The following ELOVL6 variants were observed in gnomAD, a reference collection of about 807,000 sequenced individuals.
ELOVL6 encodes the protein very long chain fatty acid elongase 6.
A neutral mutation model predicts 31.7 loss-of-function variants in ELOVL6; 8 were observed. That is an observed-to-expected ratio of 0.25 (90% CI 0.15 to 0.45). The LOEUF is 0.45. Ranked by LOEUF, ELOVL6 falls within the 20% of genes least tolerant of loss-of-function variation. The pLI is 1.00. For synonymous variants in ELOVL6, 101 were observed against 117.7 expected (o/e 0.86, Z 0.92); for missense variants, 126 against 326.4 (o/e 0.39, Z 4.73).
chr4:110,121,391 A>G (rs1221640977), intron 1 of ELOVL6, among the ~76,000 whole-genome samples: 1 of 152,252 alleles, frequency 6.6e-6, no homozygotes, highest in African/African-American at 2.4e-5. Flanking sequence ...AGACTATGGT[A>G]AAGAAGGTTT....
At chr4:110,197,562 C>T (rs905485203) in intron 1 of ELOVL6, among the ~76,000 whole-genome samples, 1 of 152,144 alleles carries the variant, frequency 6.6e-6, no homozygotes, top group African/African-American at 2.4e-5. Flanking sequence ...CGTGGCTCCA[C>T]TCGCTCGGGT....
Position 110,051,214 on chromosome 4 carries a change from G to C in ELOVL6, c.*124C>G, listed in dbSNP as rs866828005. The C allele has an allele frequency of 2.9e-6, 3 of 1,043,560 alleles. No homozygotes were observed. Among genetic ancestry groups the C allele is most frequent in the Middle Eastern group, 6.5e-4 (2 of 3,082 alleles). 64.6% of individuals were successfully genotyped at this position (1,043,560 alleles called of 1,614,324 possible). On this transcript the variant is annotated 3_prime_UTR_variant, in exon 4 of 4. Coordinates refer to ENST00000302274, the MANE Select transcript of ELOVL6 (RefSeq NM_024090.3). The surrounding 1 kb of genome is among the most constrained non-coding windows in gnomAD (Gnocchi z 4.8). ...CCTAATTATCCCTAAGCTGCCTTGGGTTTTGTGTTTGCTCATGTTTTGTTT... is the reference window on the plus strand; with the variant it reads ...CCTAATTATCCCTAAGCTGCCTTGGCTTTTGTGTTTGCTCATGTTTTGTTT...
At position 110,056,128 on chromosome 4, in the gene ELOVL6, G is replaced by GGC. The variant is rs372715676; in HGVS notation, c.373+3474_373+3475insGC. 7.7e-3 allele frequency among the ~76,000 whole-genome samples: 1,109 copies of GGC among 143,308 alleles called. 23 individuals are homozygous for GGC. Among genetic ancestry groups the GGC allele is most frequent in the African/African-American group, 0.029 (1,056 of 36,990 alleles). The allele number at this position is 143,308 out of a possible 152,430, so 94.0% of individuals were successfully genotyped here. ...AGTTTGAGTTTGTGGGAGCTGGGGG[G>GGC]GGGGATACAGTTTCAGTACTATACA... On this transcript the variant is annotated intron_variant, in intron 3 of 3. Transcript: ENST00000302274.
intron 2 of ELOVL6, among the ~76,000 whole-genome samples, chr4:110,068,938 T>C (rs775432415): frequency 6.6e-6 from 1 of 151,966 alleles, no homozygotes; most frequent in South Asian, 2.1e-4. Flanking sequence ...AGCTCAGGAG[T>C]TTGAGACTGG....
At chr4:110,080,847 C>T (rs1459760452) in intron 2 of ELOVL6, among the ~76,000 whole-genome samples, 6 of 152,104 alleles carry the variant, frequency 3.9e-5, no homozygotes, top group Middle Eastern at 3.4e-3. Flanking sequence ...AAAACCCCAT[C>T]ATCTCAGCCC....
chr4:110,074,338 C>T (rs1260565504), intron 2 of ELOVL6, among the ~76,000 whole-genome samples: 2 of 151,770 alleles, frequency 1.3e-5, no homozygotes, highest in African/African-American at 4.8e-5. Flanking sequence ...TATTTTTTTT[C>T]CTCCAAACCA....
intron 1 of ELOVL6, among the ~76,000 whole-genome samples, chr4:110,190,830 T>G (rs1354690267): frequency 1.3e-5 from 2 of 150,380 alleles, no homozygotes; most frequent in South Asian, 4.3e-4. Flanking sequence ...AATTTTTGTG[T>G]TTTTTTTGAG....
chr4:110,111,334 A>C (rs1343612199), intron 1 of ELOVL6, among the ~76,000 whole-genome samples: 1 of 146,214 alleles, frequency 6.8e-6, no homozygotes, highest in Admixed American at 7.1e-5. Context: ...CAGGTTATCA[A>C]TTCCCTTTGT....
intron 2 of ELOVL6, among the ~76,000 whole-genome samples, chr4:110,082,020 A>C (rs1755873545): frequency 6.7e-6 from 1 of 149,640 alleles, no homozygotes; most frequent in Admixed American, 6.7e-5. Context: ...CCATCAGAGA[A>C]ATGCAAATCA....
At chr4:110,146,100 AG>A (rs150484773) in intron 1 of ELOVL6, among the ~76,000 whole-genome samples, 2,062 of 152,320 alleles carry the variant, frequency 0.014, 63 homozygotes, top group African/African-American at 0.047. Flanking sequence ...ATTACACTAC[AG>A]GGCTATAGTA....
At chr4:110,130,903 AG>A (rs2126257384) in intron 1 of ELOVL6, among the ~76,000 whole-genome samples, 1 of 152,364 alleles carries the variant, frequency 6.6e-6, no homozygotes, top group African/African-American at 2.4e-5. Context: ...ATACAAACAT[AG>A]GTAAGTACAC....
intron 1 of ELOVL6, among the ~76,000 whole-genome samples, chr4:110,131,331 C>G (rs949502700): frequency 6.6e-5 from 10 of 152,002 alleles, no homozygotes; most frequent in African/African-American, 2.4e-4. Context: ...TTATATTGAT[C>G]AAAATTGGCC....
chr4:110,169,121 C>G (rs1252688446), intron 1 of ELOVL6, among the ~76,000 whole-genome samples: 2 of 152,076 alleles, frequency 1.3e-5, no homozygotes, highest in Non-Finnish European at 2.9e-5. Context: ...GCCACCACAC[C>G]TGGCTAATTT....
At chr4:110,055,382 A>G (rs7690709) in intron 3 of ELOVL6, among the ~76,000 whole-genome samples, 1 of 152,016 alleles carries the variant, frequency 6.6e-6, no homozygotes, top group African/African-American at 2.4e-5. Flanking sequence ...ACATTGGCCA[A>G]GTACAAGCAA....
chr4:110,125,193 C>T (rs187398703), intron 1 of ELOVL6, among the ~76,000 whole-genome samples: 90 of 152,232 alleles, frequency 5.9e-4, no homozygotes, highest in African/African-American at 2.1e-3. Flanking sequence ...GACTCCAATG[C>T]TTCAGTGAGT....
intron 1 of ELOVL6, among the ~76,000 whole-genome samples, chr4:110,135,871 A>T (rs1270411546): frequency 6.6e-6 from 1 of 152,220 alleles, no homozygotes; most frequent in Non-Finnish European, 1.5e-5. Flanking sequence ...AATTTAATGT[A>T]AGGCTTGGAA....
At chr4:110,098,060 T>C (rs1756637818) in intron 2 of ELOVL6, among the ~76,000 whole-genome samples, 1 of 152,210 alleles carries the variant, frequency 6.6e-6, no homozygotes, top group South Asian at 2.1e-4. Flanking sequence ...GCACAATATC[T>C]GACCTGCATC....
intron 1 of ELOVL6, among the ~76,000 whole-genome samples, chr4:110,119,754 A>T (rs1757290811): frequency 6.6e-6 from 1 of 152,234 alleles, no homozygotes; most frequent in African/African-American, 2.4e-5. Flanking sequence ...TAATGAAAAA[A>T]AATCTCAAGA....
chr4:110,136,549 T>C (rs1367700150), intron 1 of ELOVL6, among the ~76,000 whole-genome samples: 2 of 152,218 alleles, frequency 1.3e-5, no homozygotes, highest in Non-Finnish European at 2.9e-5. Context: ...TGAGATGTAG[T>C]GTTCCCATTG....
Sources: gnomAD v4.1 joint callset for allele counts (sites outside exome capture counted in the v4.1 genomes callset) on GRCh38, gnomAD v4.1.1 for gene constraint, Gnocchi (gnomAD v3.1) non-coding constraint, MANE v1.5 for transcripts, NCBI Gene and HGNC (gene_info 2026-07-23, HGNC 2026-07-21) for gene names.